KLF17: variants seen among roughly 807,000 people sequenced by gnomAD.
KLF17 encodes Krueppel-like factor 17.
In KLF17, 31 loss-of-function variants were observed where a neutral mutation model predicts 34.2. The ratio of observed to expected loss-of-function variants is 0.91; its 90% CI spans 0.68 to 1.22. KLF17 has a LOEUF of 1.22. KLF17 is among the 50% of genes most tolerant of loss of function. KLF17 has a pLI of 0.00. For synonymous variants in KLF17, 179 were observed against 186.7 expected (o/e 0.96, Z 0.34); for missense variants, 478 against 505.2 (o/e 0.95, Z 0.52).
chr1:44,082,509 C>T, the KLF17 span, among the ~76,000 whole-genome samples: 1 of 152,072 alleles, frequency 6.6e-6, no homozygotes, highest in Non-Finnish European at 1.5e-5. Flanking sequence ...TGTGTATGTC[C>T]CCAGGCTTCA....
the KLF17 span, among the ~76,000 whole-genome samples, chr1:44,055,297 G>C: frequency 6.6e-6 from 1 of 152,236 alleles, no homozygotes; most frequent in African/African-American, 2.4e-5. Flanking sequence ...TAATGGACAT[G>C]GGAGCAGCCT....
chr1:44,122,466 G>C, intron 1 of KLF17: 1 of 1,198,192 alleles, frequency 8.3e-7, no homozygotes, highest in South Asian at 1.2e-5. Context: ...CAATGCAATG[G>C]TTACAGTTTC....
intron 1 of KLF17, 54 bp from the exon 2 acceptor site, chr1:44,129,299 G>A (rs752843071): frequency 5.2e-5 from 78 of 1,503,764 alleles, no homozygotes; most frequent in Non-Finnish European, 6.2e-5. Flanking sequence ...ATGAAGAGGA[G>A]GAACATGTGG....
chr1:44,066,154 C>CA, the KLF17 span, among the ~76,000 whole-genome samples: 1 of 151,912 alleles, frequency 6.6e-6, no homozygotes, highest in Non-Finnish European at 1.5e-5. Context: ...CCCGTCTCTA[C>CA]AAAAAAATTT....
At chr1:44,070,670 T>C in the KLF17 span, among the ~76,000 whole-genome samples, 1 of 139,906 alleles carries the variant, frequency 7.1e-6, no homozygotes, top group African/African-American at 2.6e-5. Flanking sequence ...ATGATCACAC[T>C]GTAGCTTTGA....
the KLF17 span, among the ~76,000 whole-genome samples, chr1:44,077,616 T>A: frequency 4.6e-5 from 7 of 152,182 alleles, no homozygotes; most frequent in Non-Finnish European, 1.5e-5. Context: ...TTCACTAACA[T>A]GTCTGGTGGT....
rs749586233 is a variant in KLF17, at chr1:44,129,889, C to T, written c.618C>T (p.Pro206=). The T allele has an allele frequency of 4.3e-6, 7 of 1,614,206 alleles. No homozygotes were observed. In the Admixed American group the frequency reaches 1.2e-4, roughly 27 times the overall value. Residue 206 remains proline (P), a synonymous_variant, in exon 2 of 4, where the codon CCC becomes CCT. Coordinates refer to ENST00000372299, the MANE Select transcript of KLF17 (RefSeq NM_173484.4). ...VPSTEAQAVL[P]SMAQMLPPQD... is the part of the protein sequence containing the mutation. ...CCACTGAGGCCCAGGCAGTGCTCCC[C>T]TCCATGGCTCAGATGTTGCCCCCGC...
the KLF17 span, among the ~76,000 whole-genome samples, chr1:44,088,985 C>T: frequency 3.3e-5 from 5 of 152,064 alleles, no homozygotes; most frequent in African/African-American, 4.8e-5. Flanking sequence ...GCTAAGGAAC[C>T]GACAGGCCAA....
At chr1:44,119,686 C>T (rs1225163772) in intron 1 of KLF17, among the ~76,000 whole-genome samples, 2 of 152,098 alleles carry the variant, frequency 1.3e-5, no homozygotes, top group Admixed American at 1.3e-4. Context: ...GAAAGGTTCC[C>T]AGGTCTGAGA....
At chr1:44,099,877 G>GAAAA in the KLF17 span, among the ~76,000 whole-genome samples, 2 of 54,696 alleles carry the variant, frequency 3.7e-5, no homozygotes, top group African/African-American at 1.1e-4. Context: ...AAGAAAGAAA[G>GAAAA]AAAGAAAGAA....
At chr1:44,110,450 G>T in the KLF17 span, 1 of 152,092 alleles carries the variant, frequency 6.6e-6, no homozygotes, top group Non-Finnish European at 1.5e-5. Context: ...CAGTGCTTTG[G>T]GAGTCCAAGG....
chr1:44,102,559 TACAC>T, the KLF17 span, among the ~76,000 whole-genome samples: 1 of 87,660 alleles, frequency 1.1e-5, no homozygotes, highest in Admixed American at 1.1e-4. Flanking sequence ...ATCACACACA[TACAC>T]ATACACACAC....
intron 3 of KLF17, among the ~76,000 whole-genome samples, chr1:44,131,916 A>G (rs2088115434): frequency 6.6e-6 from 1 of 152,076 alleles, no homozygotes; most frequent in African/African-American, 2.4e-5. Flanking sequence ...ACTAATCTCA[A>G]ACTCCTGGCT....
the KLF17 span, among the ~76,000 whole-genome samples, chr1:44,100,116 A>ACACACACAC: frequency 6.9e-6 from 1 of 144,218 alleles, no homozygotes; most frequent in African/African-American, 2.6e-5. Context: ...ACACACACAC[A>ACACACACAC]AATTAGCTGG....
intron 1 of KLF17, among the ~76,000 whole-genome samples, chr1:44,124,530 T>A (rs1206985592): frequency 7.2e-6 from 1 of 139,790 alleles, no homozygotes; most frequent in Non-Finnish European, 1.5e-5. Context: ...GGAGTCTCAC[T>A]GTCGCCCAGG....
chr1:44,052,597 G>C, the KLF17 span, among the ~76,000 whole-genome samples: 1 of 152,136 alleles, frequency 6.6e-6, no homozygotes, highest in African/African-American at 2.4e-5. Flanking sequence ...TTTCCCATTT[G>C]CAGCTTATAA....
rs1215253800 is a variant in KLF17, at chr1:44,130,480, T to G, written c.926-32T>G. 4 of 1,613,630 alleles carry G rather than the reference T, an allele frequency of 2.5e-6. No individual in the cohort carries two copies. The African/African-American group carries it at 4.0e-5, about 16-fold the overall frequency. On this transcript the variant is annotated intron_variant, in intron 2 of 3. Coordinates refer to ENST00000372299, the MANE Select transcript of KLF17 (RefSeq NM_173484.4). Reference sequence around the variant, plus strand: ...TTAGACCCCTTCCTTCCTACTGTATTCTAAATTCCATCTCTCCCTTGTCAT... The same window carrying G: ...TTAGACCCCTTCCTTCCTACTGTATGCTAAATTCCATCTCTCCCTTGTCAT...
At chr1:44,122,829 C>T (rs2154311472) in intron 1 of KLF17, among the ~76,000 whole-genome samples, 1 of 152,232 alleles carries the variant, frequency 6.6e-6, no homozygotes, top group East Asian at 1.9e-4. Flanking sequence ...GAACTCCTGA[C>T]CTCAAGTGAT....
the KLF17 span, chr1:44,047,834 C>T: frequency 0.057 from 8,695 of 152,200 alleles, 275 homozygotes; most frequent in Middle Eastern, 0.12. Context: ...CATACTGCAA[C>T]ACATTGGCAT....
Sources: allele counts gnomAD v4.1 joint callset (sites outside exome capture counted in the v4.1 genomes callset), GRCh38; gene constraint gnomAD v4.1.1; transcripts MANE v1.5; gene names NCBI Gene and HGNC (gene_info 2026-07-23, HGNC 2026-07-21).